The following RPH3AL variants were observed in gnomAD, a reference collection of about 807,000 sequenced individuals.
The protein encoded by RPH3AL is rabphilin 3A like (without C2 domains).
RPH3AL carries 38 observed loss-of-function variants against 43.1 expected under a neutral mutation model. The observed-to-expected ratio is 0.88, with a 90% CI of 0.68 to 1.15. The LOEUF (loss-of-function observed/expected upper bound fraction) is 1.15, where lower values mean the gene tolerates loss of function less well. RPH3AL is among the 50% of genes most tolerant of loss of function. The pLI, the probability that RPH3AL is intolerant of heterozygous loss-of-function variation, is 0.00. For missense variants in RPH3AL, 462 were observed against 423.2 expected (o/e 1.09, Z -0.81); for synonymous variants, 189 against 176.3 (o/e 1.07, Z -0.57).
Position 334,577 on chromosome 17 carries a change from A to G in RPH3AL, c.-212-643T>C, listed in dbSNP as rs4993401. ...CCACGCCTTCCCCCAGGGCCAGCCC[A>G]TCCACTGTGGAGGGACAGGGACAAG... On this transcript the variant is annotated intron_variant, in intron 1 of 9. Coordinates refer to ENST00000331302, the MANE Select transcript of RPH3AL (RefSeq NM_006987.4). Among the ~76,000 whole-genome samples, 105 of 52,530 alleles carry G rather than the reference A, an allele frequency of 2.0e-3. 6 individuals carry two copies. The highest frequency in any genetic ancestry group is 0.015 in the East Asian group (15 of 976). 34.5% of individuals were successfully genotyped at this position (52,530 alleles called of 152,430 possible). A position where few individuals can be genotyped will look rare whatever the true frequency, so the allele number is the denominator to read the frequency against.
At chr17:293,251 C>T (rs1191666570) in intron 5 of RPH3AL, among the ~76,000 whole-genome samples, 2 of 152,206 alleles carry the variant, frequency 1.3e-5, no homozygotes, top group African/African-American at 4.8e-5. Flanking sequence ...CTCCTCCCTC[C>T]GCCTGCCACT....
chr17:273,758 GGAGA>G (rs2042587303), intron 6 of RPH3AL, among the ~76,000 whole-genome samples: 1 of 152,256 alleles, frequency 6.6e-6, no homozygotes, highest in Non-Finnish European at 1.5e-5. Flanking sequence ...ACACACTGCA[GGAGA>G]CACTGAGTGC....
chr17:233,242 A>AC (rs925402950), intron 7 of RPH3AL, among the ~76,000 whole-genome samples: 1 of 151,544 alleles, frequency 6.6e-6, no homozygotes, highest in Non-Finnish European at 1.5e-5. Flanking sequence ...CCACTGCTCT[A>AC]CCCCCCGCCT....
At chr17:298,269 C>T (rs1436994930) in intron 5 of RPH3AL, among the ~76,000 whole-genome samples, 3 of 152,146 alleles carry the variant, frequency 2.0e-5, no homozygotes, top group Non-Finnish European at 4.4e-5. Flanking sequence ...GTAGCCCTCC[C>T]CCGACCCCAA....
chr17:304,430 G>A (rs903906532), intron 5 of RPH3AL, among the ~76,000 whole-genome samples: 2 of 152,084 alleles, frequency 1.3e-5, no homozygotes, highest in Admixed American at 6.5e-5. Flanking sequence ...TTAAAATTCC[G>A]TCGAGAGGAA....
chr17:260,756 G>A (rs1555545993), intron 6 of RPH3AL, among the ~76,000 whole-genome samples: 5 of 152,032 alleles, frequency 3.3e-5, no homozygotes. Flanking sequence ...AGTTAAACAA[G>A]TCCGCAGCAG....
At chr17:342,966 C>G (rs2045155678) in intron 1 of RPH3AL, among the ~76,000 whole-genome samples, 1 of 152,218 alleles carries the variant, frequency 6.6e-6, no homozygotes, top group Non-Finnish European at 1.5e-5. Flanking sequence ...ATCCAAATGT[C>G]AGGCATGTAA....
In RPH3AL at chr17:268,915, G is replaced by A. The variant is rs186242183; in HGVS notation, c.438+12853C>T. ...TTTTTTTGAGACGGAGTCTCGCTCC[G>A]TCACCCAGGCTGGAGTGCAGTGCCG... On this transcript the variant is annotated intron_variant, in intron 6 of 9. Coordinates refer to ENST00000331302, the MANE Select transcript of RPH3AL (RefSeq NM_006987.4). 7.6e-4 allele frequency among the ~76,000 whole-genome samples: 115 copies of A among 152,036 alleles called. 1 individual carries two copies. The highest frequency in any genetic ancestry group is 2.2e-3 in the Admixed American group (33 of 15,276).
intron 2 of RPH3AL, chr17:331,661 C>A (rs1308003146): frequency 7.8e-7 from 1 of 1,288,110 alleles, no homozygotes; most frequent in Non-Finnish European, 1.0e-6. Context: ...GGCTCCCTGA[C>A]TCGGCAGCAA....
chr17:289,999 G>T lies in RPH3AL; in HGVS notation c.352-8145C>A, dbSNP rs1025555419. 1.1e-4 allele frequency among the ~76,000 whole-genome samples: 16 copies of T among 152,216 alleles called. 1 individual carries two copies. Among genetic ancestry groups the T allele is most frequent in the South Asian group, 4.1e-4 (2 of 4,828 alleles). ...GGCCGTCATCTTCCCAAGGGCAGAG[G>T]CCACGTCTATTTCTGTTCACCCTCC... is the stretch of plus-strand genomic sequence containing the variant. On this transcript the variant is annotated intron_variant, in intron 5 of 9. Transcript: ENST00000331302. This position sits in a 1 kb window ranked among gnomAD's most constrained non-coding sequence, Gnocchi z 5.2.
chr17:251,703 G>C (rs536654396), intron 6 of RPH3AL, among the ~76,000 whole-genome samples: 14 of 152,226 alleles, frequency 9.2e-5, no homozygotes, highest in Non-Finnish European at 1.8e-4. Flanking sequence ...CTGCTGCAAG[G>C]CTCATTAGAG....
chr17:305,769 CCTCACATCA>C (rs1387107107), intron 5 of RPH3AL, among the ~76,000 whole-genome samples: 1 of 148,368 alleles, frequency 6.7e-6, no homozygotes, highest in Non-Finnish European at 1.5e-5. Flanking sequence ...CTCAGTCATC[CCTCACATCA>C]CTCACATCGC....
intron 6 of RPH3AL, among the ~76,000 whole-genome samples, chr17:251,621 T>C (rs12451236): frequency 0.78 from 118,632 of 152,232 alleles, 46,928 homozygotes; most frequent in African/African-American, 0.93. Context: ...GACACCAGAG[T>C]GGAGAGGACT....
intron 5 of RPH3AL, among the ~76,000 whole-genome samples, chr17:302,044 C>T (rs1038135786): frequency 7.9e-5 from 12 of 152,218 alleles, no homozygotes; most frequent in African/African-American, 2.9e-4. Flanking sequence ...TGAGCCAAAG[C>T]GAACTGGGCG....
At chr17:272,151 G>A (rs2042480015) in intron 6 of RPH3AL, among the ~76,000 whole-genome samples, 11 of 152,206 alleles carry the variant, frequency 7.2e-5, no homozygotes, top group Admixed American at 7.2e-4. Flanking sequence ...ATTTTACACT[G>A]TTGGGGGAAT....
intron 6 of RPH3AL, among the ~76,000 whole-genome samples, chr17:275,116 T>C (rs1056732083): frequency 4.6e-5 from 7 of 151,830 alleles, no homozygotes; most frequent in African/African-American, 1.5e-4. Flanking sequence ...TAGAGTTGAA[T>C]GTGGACACAC....
chr17:221,711 C>T (rs879928792), intron 7 of RPH3AL, among the ~76,000 whole-genome samples: 1 of 107,884 alleles, frequency 9.3e-6, no homozygotes, highest in Non-Finnish European at 2.0e-5. Context: ...TAGACCCAAG[C>T]ACATCAGCTC....
At chr17:293,874 C>A (rs2043106438) in intron 5 of RPH3AL, among the ~76,000 whole-genome samples, 1 of 151,902 alleles carries the variant, frequency 6.6e-6, no homozygotes, top group African/African-American at 2.4e-5. Context: ...ACTAAAAATA[C>A]AAAAATTAGC....
intron 2 of RPH3AL, chr17:332,249 G>A (rs1399056340): frequency 3.5e-6 from 1 of 288,308 alleles, no homozygotes; most frequent in African/African-American, 2.2e-5. Context: ...CCTACCAGCT[G>A]GGACAGGTAA....
Sources: gnomAD v4.1 joint callset for allele counts (sites outside exome capture counted in the v4.1 genomes callset) on GRCh38, gnomAD v4.1.1 for gene constraint, Gnocchi (gnomAD v3.1) non-coding constraint, MANE v1.5 for transcripts, NCBI Gene and HGNC (gene_info 2026-07-23, HGNC 2026-07-21) for gene names.